The following FUT9 variants were observed in gnomAD, a reference collection of about 807,000 sequenced individuals.
The protein encoded by FUT9 is 4-galactosyl-N-acetylglucosaminide 3-alpha-L-fucosyltransferase 9.
Under a neutral mutation model 29.7 loss-of-function variants are expected in FUT9, and 15 were observed. That is an observed-to-expected ratio of 0.51 (90% CI 0.34 to 0.78). The LOEUF (loss-of-function observed/expected upper bound fraction) is 0.78, where lower values mean the gene tolerates loss of function less well. FUT9 is among the 30% of genes least tolerant of loss of function. FUT9 has a pLI of 0.01. For missense variants in FUT9, 319 were observed against 425.4 expected, an observed-to-expected ratio of 0.75 and a Z score of 2.20; for synonymous variants, 169 against 153.7, an observed-to-expected ratio of 1.10 and a Z score of -0.74.
At chr6:96,196,317 C>T (rs1773623482) in intron 2 of FUT9, among the ~76,000 whole-genome samples, 1 of 152,022 alleles carries the variant, frequency 6.6e-6, no homozygotes, top group Non-Finnish European at 1.5e-5. Flanking sequence ...AATTAAGACT[C>T]GAAGACTTAA....
At chr6:96,113,943 A>G (rs2127961891) in intron 1 of FUT9, 96 bp from the exon 2 acceptor site, 1 of 152,182 alleles carries the variant, frequency 6.6e-6, no homozygotes, top group Non-Finnish European at 1.5e-5. Context: ...TTTAGCATGC[A>G]TTATTTCTTT....
At chr6:96,073,344 G>A (rs1771093734) in intron 1 of FUT9, among the ~76,000 whole-genome samples, 1 of 151,898 alleles carries the variant, frequency 6.6e-6, no homozygotes, top group East Asian at 1.9e-4. Context: ...AGCTACTCGG[G>A]AGGCTGAGGC....
chr6:96,137,406 G>T (rs560939059), intron 2 of FUT9, among the ~76,000 whole-genome samples: 2 of 152,110 alleles, frequency 1.3e-5, no homozygotes, highest in East Asian at 1.9e-4. Flanking sequence ...TCATACAGAA[G>T]AATTCCCAAC....
chr6:96,202,826 G>A (rs1254489845), intron 2 of FUT9, among the ~76,000 whole-genome samples: 1 of 152,104 alleles, frequency 6.6e-6, no homozygotes, highest in Non-Finnish European at 1.5e-5. Flanking sequence ...TGGCTTTAGC[G>A]ATGACAGTCT....
intron 1 of FUT9, among the ~76,000 whole-genome samples, chr6:96,095,435 A>G (rs1430788341): frequency 1.3e-5 from 2 of 152,106 alleles, no homozygotes; most frequent in African/African-American, 2.4e-5. Context: ...TTGCCCCACC[A>G]TTCACCATAG....
In FUT9 at chr6:96,206,288, A is replaced by G. The variant is rs1411658544; in HGVS notation, c.*2053A>G. The G allele has an allele frequency of 1.8e-5, 3 of 167,052 alleles. No individual in the cohort carries two copies. The highest frequency in any genetic ancestry group is 4.4e-5 in the Non-Finnish European group (3 of 68,118). The allele number at this position is 167,052 out of a possible 1,614,324, so 10.3% of individuals were successfully genotyped here. ...TAACCACAATGCATTAAGAAATAAT[A>G]TTTTTATGTGGATGTCCTCCTCAAT... On this transcript the variant is annotated 3_prime_UTR_variant, in exon 3 of 3. Coordinates refer to ENST00000302103, the MANE Select transcript of FUT9 (RefSeq NM_006581.4).
chr6:96,127,142 A>C (rs1484720989), intron 2 of FUT9, among the ~76,000 whole-genome samples: 2 of 152,170 alleles, frequency 1.3e-5, no homozygotes, highest in African/African-American at 4.8e-5. Flanking sequence ...CCTAAGTAAT[A>C]AGCAGAGTAT....
rs763326668 is a variant in FUT9, at chr6:96,203,634, G to A, written c.479G>A (p.Arg160His). 23 of 1,613,890 alleles carry A rather than the reference G, an allele frequency of 1.4e-5. No homozygotes were observed. The highest frequency in any genetic ancestry group is 1.9e-5 in the Non-Finnish European group (22 of 1,180,010). ...TTTAACCTGACTCTGACTTACCGCC[G>A]TGATTCAGATATCCAAGTGCCTTAT... is the stretch of plus-strand genomic sequence containing the variant. ...HLFNLTLTYR[R>H]DSDIQVPYGF... The change falls in exon 3 of 3, where the codon CGT (arginine) becomes CAT (histidine). Residue 160 changes from arginine (R) to histidine (H), a missense_variant. Arg to His is a conservative substitution (Grantham distance 29, BLOSUM62 0). Coordinates refer to ENST00000302103, the MANE Select transcript of FUT9 (RefSeq NM_006581.4).
intron 2 of FUT9, among the ~76,000 whole-genome samples, chr6:96,196,485 G>A (rs751421444): frequency 6.6e-6 from 1 of 152,040 alleles, no homozygotes; most frequent in Non-Finnish European, 1.5e-5. Context: ...AGGTTGAGGC[G>A]GGCAGATCAT....
At chr6:96,108,260 C>A (rs1771730635) in intron 1 of FUT9, among the ~76,000 whole-genome samples, 2 of 152,000 alleles carry the variant, frequency 1.3e-5, no homozygotes, top group African/African-American at 4.8e-5. Context: ...TTATTTAGAG[C>A]CAAATCATCC....
At chr6:96,046,849 A>G (rs1241273557) in intron 1 of FUT9, among the ~76,000 whole-genome samples, 1 of 152,212 alleles carries the variant, frequency 6.6e-6, no homozygotes, top group East Asian at 1.9e-4. Flanking sequence ...TCAGCAGATT[A>G]TTGTGCTTTC....
At chr6:96,166,261 G>T (rs1773014554) in intron 2 of FUT9, among the ~76,000 whole-genome samples, 1 of 152,162 alleles carries the variant, frequency 6.6e-6, no homozygotes, top group African/African-American at 2.4e-5. Context: ...TGCCAGGACA[G>T]TTAAATATGA....
chr6:96,065,879 T>C (rs1770953916), intron 1 of FUT9, among the ~76,000 whole-genome samples: 1 of 152,186 alleles, frequency 6.6e-6, no homozygotes, highest in Non-Finnish European at 1.5e-5. Context: ...CGCAAGATAA[T>C]GGTTGCTGAC....
chr6:96,210,487 C>T lies in FUT9; in HGVS notation c.*6252C>T. The T allele has an allele frequency of 6.0e-6, 1 of 166,584 alleles. No homozygotes were observed. The highest frequency in any genetic ancestry group is 3.4e-3 in the Middle Eastern group (1 of 296). 10.3% of individuals were successfully genotyped at this position (166,584 alleles called of 1,614,324 possible). A position where few individuals can be genotyped will look rare whatever the true frequency, so the allele number is the denominator to read the frequency against. Reference sequence around the variant, plus strand: ...GATCTATTTAGTTTGAGGAAGAGCCCAGAAGTCTAACAGGTGTAAATGTTC... The same window carrying T: ...GATCTATTTAGTTTGAGGAAGAGCCTAGAAGTCTAACAGGTGTAAATGTTC... On this transcript the variant is annotated 3_prime_UTR_variant, in exon 3 of 3. Transcript: ENST00000302103.
At chr6:96,115,586 C>G (rs920314031) in intron 2 of FUT9, among the ~76,000 whole-genome samples, 5 of 152,132 alleles carry the variant, frequency 3.3e-5, no homozygotes, top group African/African-American at 1.2e-4. Context: ...AGCTGTATTT[C>G]AAGTGCTCAG....
chr6:96,145,259 C>T lies in FUT9; in HGVS notation c.-9+31132C>T, dbSNP rs1490477638. Among the ~76,000 whole-genome samples the T allele has an allele frequency of 7.9e-5, 12 of 152,150 alleles. No homozygotes were observed. The South Asian group carries it at 8.3e-4, about 11-fold the overall frequency. ...ATTTTTAGTAGAAACGGGGTTTCAC[C>T]GTGTTAGCTAGGATGGTCTCGATCT... On this transcript the variant is annotated intron_variant, in intron 2 of 2. Transcript: ENST00000302103.
chr6:96,081,116 T>C (rs1481635374), intron 1 of FUT9, among the ~76,000 whole-genome samples: 2 of 151,880 alleles, frequency 1.3e-5, no homozygotes, highest in African/African-American at 4.8e-5. Flanking sequence ...TTATAATATC[T>C]GTAAAATATT....
chr6:96,055,751 G>A (rs1207132883), intron 1 of FUT9, among the ~76,000 whole-genome samples: 1 of 147,560 alleles, frequency 6.8e-6, no homozygotes, highest in East Asian at 2.0e-4. Flanking sequence ...TGCCATGTTG[G>A]CCAGGATAGT....
chr6:96,032,338 T>C (rs1327271278), intron 1 of FUT9, among the ~76,000 whole-genome samples: 1 of 151,570 alleles, frequency 6.6e-6, no homozygotes, highest in Non-Finnish European at 1.5e-5. Flanking sequence ...TTAAATTAAG[T>C]GACTTAATTT....
Sources: allele counts gnomAD v4.1 joint callset (sites outside exome capture counted in the v4.1 genomes callset), GRCh38; gene constraint gnomAD v4.1.1; transcripts MANE v1.5; gene names NCBI Gene and HGNC (gene_info 2026-07-23, HGNC 2026-07-21).